SYTL3: variants seen among roughly 807,000 people sequenced by gnomAD.
The protein encoded by SYTL3 is synaptotagmin like 3.
Under a neutral mutation model 82.1 loss-of-function variants are expected in SYTL3, and 88 were observed. That is an observed-to-expected ratio of 1.07 (90% CI 0.90 to 1.28). The LOEUF (loss-of-function observed/expected upper bound fraction) is 1.28, where lower values mean the gene tolerates loss of function less well. SYTL3 is among the 50% of genes most tolerant of loss of function. SYTL3 has a pLI of 0.00. For synonymous variants in SYTL3, 311 were observed against 289.4 expected, an observed-to-expected ratio of 1.07 and a Z score of -0.76; for missense variants, 831 against 757.6, an observed-to-expected ratio of 1.10 and a Z score of -1.14.
chr6:158,725,843 G>A (rs970851218), intron 11 of SYTL3: 1 of 731,320 alleles, frequency 1.4e-6, no homozygotes, highest in African/African-American at 1.8e-5. Context: ...CTGTGTCTTG[G>A]AGTTACTCCA....
chr6:158,731,698 A>G (rs1428212161), intron 11 of SYTL3, among the ~76,000 whole-genome samples: 2 of 152,122 alleles, frequency 1.3e-5, no homozygotes, highest in African/African-American at 4.8e-5. Flanking sequence ...GGTTCACGCC[A>G]TTCTCCTGCC....
intron 6 of SYTL3, among the ~76,000 whole-genome samples, chr6:158,692,061 T>C (rs1320256765): frequency 6.9e-6 from 1 of 145,208 alleles, no homozygotes; most frequent in East Asian, 2.1e-4. Flanking sequence ...ATCGAGACCA[T>C]CCTGGCTAAC....
chr6:158,673,648 C>A (rs1777656527), intron 5 of SYTL3, among the ~76,000 whole-genome samples: 1 of 150,186 alleles, frequency 6.7e-6, no homozygotes, highest in Non-Finnish European at 1.5e-5. Context: ...ACCATGTTAG[C>A]CAGGATGGTC....
chr6:158,647,259 A>G (rs1203240881), upstream of SYTL3, among the ~76,000 whole-genome samples: 1 of 152,390 alleles, frequency 6.6e-6, no homozygotes, highest in Non-Finnish European at 1.5e-5. Flanking sequence ...TAGCTTTTAT[A>G]CATTGGGTAC....
At chr6:158,650,917 A>G (rs1562333480) in intron 1 of SYTL3, among the ~76,000 whole-genome samples, 2 of 152,016 alleles carry the variant, frequency 1.3e-5, no homozygotes, top group African/African-American at 2.4e-5. Context: ...TGCCACTGCA[A>G]TCCAGCCTGG....
At chr6:158,749,507 C>CTCTT (rs1554264331) in intron 12 of SYTL3, among the ~76,000 whole-genome samples, 21 of 66,028 alleles carry the variant, frequency 3.2e-4, no homozygotes, top group South Asian at 6.4e-4. Flanking sequence ...TTCTTTCTCT[C>CTCTT]TTTTTTTTTT....
intron 11 of SYTL3, among the ~76,000 whole-genome samples, chr6:158,742,257 T>G (rs748786124): frequency 5.9e-5 from 9 of 152,244 alleles, no homozygotes; most frequent in Non-Finnish European, 1.3e-4. Flanking sequence ...TATTCCAATA[T>G]CAAATAGCAA....
rs545990173 is a variant in SYTL3 at position 158,714,574 on chromosome 6, A to G, written c.595+696A>G. ...TCCACTTGCAATCTTGTGTCTTTCA[A>G]TGTTCTTTCTGCTCAGATACTTTTT... On this transcript the variant is annotated intron_variant, in intron 9 of 17. Transcript: ENST00000611299. 1.0e-3 allele frequency among the ~76,000 whole-genome samples: 157 copies of G among 152,272 alleles called. 1 individual carries two copies. The highest frequency in any genetic ancestry group is 3.4e-3 in the African/African-American group (141 of 41,560).
chr6:158,747,815 TTTTA>T (rs2128519173), intron 12 of SYTL3, among the ~76,000 whole-genome samples: 2 of 152,236 alleles, frequency 1.3e-5, no homozygotes, highest in East Asian at 3.9e-4. Flanking sequence ...TTGTTTATTG[TTTTA>T]TTTATTTACC....
At chr6:158,727,808 C>T (rs1357781373) in intron 11 of SYTL3, among the ~76,000 whole-genome samples, 2 of 150,890 alleles carry the variant, frequency 1.3e-5, no homozygotes, top group Non-Finnish European at 2.9e-5. Flanking sequence ...CTCAGCCTCC[C>T]GAGTAGCTGG....
At chr6:158,679,373 GA>G (rs370424342) in intron 5 of SYTL3, among the ~76,000 whole-genome samples, 34 of 142,710 alleles carry the variant, frequency 2.4e-4, no homozygotes, top group East Asian at 6.1e-4. Flanking sequence ...CTGTCTCAAA[GA>G]AAAAAAAAAA....
At chr6:158,716,240 C>T (rs2128467317) in intron 9 of SYTL3, among the ~76,000 whole-genome samples, 1 of 152,282 alleles carries the variant, frequency 6.6e-6, no homozygotes, top group African/African-American at 2.4e-5. Flanking sequence ...TCTTTCTCTT[C>T]CTTATCCTTT....
upstream of SYTL3, among the ~76,000 whole-genome samples, chr6:158,645,502 A>G (rs1487434341): frequency 6.6e-6 from 1 of 152,154 alleles, no homozygotes; most frequent in Non-Finnish European, 1.5e-5. Context: ...TTCGTCATGC[A>G]CTTGAATTCA....
intron 11 of SYTL3, among the ~76,000 whole-genome samples, chr6:158,736,458 C>A (rs1215998358): frequency 6.6e-6 from 1 of 152,050 alleles, no homozygotes; most frequent in Non-Finnish European, 1.5e-5. Context: ...TCAGGTAAAA[C>A]TAAACAGTAG....
chr6:158,708,929 G>A (rs549710000), intron 8 of SYTL3, among the ~76,000 whole-genome samples: 1 of 152,174 alleles, frequency 6.6e-6, no homozygotes, highest in African/African-American at 2.4e-5. Flanking sequence ...TACGCCCAAA[G>A]TAAATTGAAA....
At chr6:158,737,787 G>T (rs905565324) in intron 11 of SYTL3, among the ~76,000 whole-genome samples, 1 of 152,202 alleles carries the variant, frequency 6.6e-6, no homozygotes, top group African/African-American at 2.4e-5. Context: ...TTGATGGATG[G>T]ACGTGCTCTG....
rs140157961 is a variant in SYTL3 at position 158,672,694 on chromosome 6, C to T, written c.329+7081C>T. Among the ~76,000 whole-genome samples, 999 of 151,442 alleles carry T rather than the reference C, an allele frequency of 6.6e-3. 35 individuals are homozygous for T. In the East Asian group the frequency reaches 0.1, roughly 15 times the overall value. ...TCGCCCAGGCTGGAGTGCAGTGGCA[C>T]GATATCAGCTCACTGCAACCTCCGC... On this transcript the variant is annotated intron_variant, in intron 5 of 17. Transcript: ENST00000611299.
At chr6:158,762,351 G>A (rs545279656) in intron 16 of SYTL3, among the ~76,000 whole-genome samples, 173 bp downstream of exon 16, 1 of 152,170 alleles carries the variant, frequency 6.6e-6, no homozygotes, top group South Asian at 2.1e-4. Flanking sequence ...AAATTCACGG[G>A]ATGTGTACAT....
At position 158,682,940 on chromosome 6, in the gene SYTL3, A is replaced by G; in HGVS notation, c.345A>G (p.Lys115=). ...ATTTTTTCAGGAATGTCAAAATAAA[A>G]ACTGGAGAATGGTTCTATGAGGAAC... ...VCFEDRNVKI[K]TGEWFYEERA... is the part of the protein sequence containing the mutation. The change falls in exon 6 of 18, where the codon AAA becomes AAG. Residue 115 remains lysine, a synonymous_variant. Transcript: ENST00000611299. 1 of 1,613,602 alleles carries G rather than the reference A, an allele frequency of 6.2e-7. No homozygotes were observed. Among genetic ancestry groups the G allele is most frequent in the Non-Finnish European group, 8.5e-7 (1 of 1,179,536 alleles).
Sources: gnomAD v4.1 joint callset for allele counts (sites outside exome capture counted in the v4.1 genomes callset) on GRCh38, gnomAD v4.1.1 for gene constraint, MANE v1.5 for transcripts, NCBI Gene and HGNC (gene_info 2026-07-23, HGNC 2026-07-21) for gene names.